The following RYR2 variants were observed in gnomAD, a reference collection of about 807,000 sequenced individuals.
RYR2 encodes ryanodine receptor 2.
Under a neutral mutation model 601.1 loss-of-function variants are expected in RYR2, and 227 were observed. The ratio of observed to expected loss-of-function variants is 0.38; its 90% CI spans 0.34 to 0.42. The LOEUF is 0.42. Among genes scored for constraint, RYR2 ranks in the 10% least tolerant of loss-of-function variants. The pLI, the probability that RYR2 is intolerant of heterozygous loss-of-function variation, is 1.00. For synonymous variants in RYR2, 2,223 were observed against 2,175.1 expected, an observed-to-expected ratio of 1.02 and a Z score of -0.61; for missense variants, 4,646 against 6,156.5, an observed-to-expected ratio of 0.75 and a Z score of 8.21.
chr1:237,349,256 A>G (rs1415525228), intron 3 of RYR2, among the ~76,000 whole-genome samples: 3 of 152,214 alleles, frequency 2.0e-5, no homozygotes, highest in Non-Finnish European at 4.4e-5. Flanking sequence ...ATACCTGATG[A>G]CACATTAGAA....
intron 58 of RYR2, 110 bp from the exon 59 acceptor site, chr1:237,673,986 T>G (rs1288535388): frequency 7.7e-6 from 6 of 777,370 alleles, no homozygotes; most frequent in African/African-American, 1.7e-5. Context: ...GCTCTATGTA[T>G]TATTAAAGGA....
chr1:237,718,754 C>T (rs1689467319), intron 73 of RYR2, among the ~76,000 whole-genome samples: 1 of 152,042 alleles, frequency 6.6e-6, no homozygotes, highest in East Asian at 1.9e-4. Context: ...TATATGTCAT[C>T]AGTTGAAATA....
At chr1:237,540,376 C>T (rs879532165) in intron 25 of RYR2, among the ~76,000 whole-genome samples, 3 of 152,090 alleles carry the variant, frequency 2.0e-5, no homozygotes, top group Non-Finnish European at 4.4e-5. Flanking sequence ...ATGAAATCAA[C>T]ACAAAACACA....
intron 1 of RYR2, among the ~76,000 whole-genome samples, chr1:237,103,043 T>C (rs1329722104): frequency 6.6e-6 from 1 of 152,086 alleles, no homozygotes; most frequent in African/African-American, 2.4e-5. Context: ...AAGAACAGTT[T>C]TATTTGAACC....
intron 14 of RYR2, among the ~76,000 whole-genome samples, chr1:237,448,258 T>C (rs1035504184): frequency 2.0e-5 from 3 of 152,170 alleles, no homozygotes; most frequent in Non-Finnish European, 4.4e-5. Context: ...TCCCCTTTGA[T>C]GACTTCTTTG....
intron 3 of RYR2, among the ~76,000 whole-genome samples, chr1:237,351,946 A>G (rs2149675400): frequency 6.6e-6 from 1 of 151,740 alleles, no homozygotes; most frequent in East Asian, 1.9e-4. Flanking sequence ...AAATATTGGG[A>G]AATCCATCCC....
chr1:237,297,742 G>A (rs1175567461), intron 2 of RYR2, among the ~76,000 whole-genome samples: 1 of 151,264 alleles, frequency 6.6e-6, no homozygotes, highest in Admixed American at 6.6e-5. Context: ...AAAGGCCATG[G>A]TTTGTGTTGA....
intron 1 of RYR2, among the ~76,000 whole-genome samples, chr1:237,063,454 C>T (rs919447138): frequency 6.6e-6 from 1 of 151,896 alleles, no homozygotes; most frequent in Non-Finnish European, 1.5e-5. Context: ...ATTATAATAT[C>T]GTTAATTTAT....
intron 1 of RYR2, 24 bp downstream of exon 1, chr1:237,042,593 C>A: frequency 8.0e-7 from 1 of 1,255,502 alleles, no homozygotes; most frequent in Non-Finnish European, 1.0e-6. Flanking sequence ...GTCGCGTGTG[C>A]TGTCAGGGGA....
chr1:237,135,470 C>T (rs372294007), intron 1 of RYR2, among the ~76,000 whole-genome samples: 35 of 151,604 alleles, frequency 2.3e-4, no homozygotes, highest in African/African-American at 6.0e-4. Flanking sequence ...CCCAGGTTCA[C>T]GCCATTCTCC....
At chr1:237,124,385 T>G (rs1019627798) in intron 1 of RYR2, among the ~76,000 whole-genome samples, 3 of 152,214 alleles carry the variant, frequency 2.0e-5, no homozygotes, top group African/African-American at 7.2e-5. Flanking sequence ...GTGTTAGTTT[T>G]TTATTGTTGC....
At chr1:237,647,906 A>T (rs149900973) in intron 48 of RYR2, among the ~76,000 whole-genome samples, 1 of 152,340 alleles carries the variant, frequency 6.6e-6, no homozygotes, top group East Asian at 1.9e-4. Context: ...AAGCAATATG[A>T]CCCTTAAATG....
intron 82 of RYR2, among the ~76,000 whole-genome samples, chr1:237,758,824 C>T (rs1453107081): frequency 2.0e-5 from 3 of 152,118 alleles, no homozygotes; most frequent in Admixed American, 6.5e-5. Flanking sequence ...AAATTTTAAC[C>T]ATGTCAGAAA....
chr1:237,534,336 G>T (rs1158125891), intron 25 of RYR2, among the ~76,000 whole-genome samples: 1 of 152,008 alleles, frequency 6.6e-6, no homozygotes, highest in African/African-American at 2.4e-5. Context: ...AATACTAGTA[G>T]ATTTTCAAAA....
chr1:237,093,329 G>A (rs921617150), intron 1 of RYR2, among the ~76,000 whole-genome samples: 2 of 151,936 alleles, frequency 1.3e-5, no homozygotes, highest in Admixed American at 6.5e-5. Flanking sequence ...GGCTAGGGGA[G>A]GAGCTGAGAA....
At position 237,707,178 on chromosome 1, in the gene RYR2, A is replaced by G; in HGVS notation, c.9810A>G (p.Ser3270=). The change falls in exon 68 of 105, where the codon TCA becomes TCG. Residue 3270 remains serine (S), a synonymous_variant. Coordinates refer to ENST00000366574, the MANE Select transcript of RYR2 (RefSeq NM_001035.3). ...RAEMCCTALN[S]EHMNTLLGNI... ...AGATGTGCTGCACAGCCCTGAACTCAGAGCACATGAACACACTTCTAGGGA... is the reference window on the plus strand; with the variant it reads ...AGATGTGCTGCACAGCCCTGAACTCGGAGCACATGAACACACTTCTAGGGA... 6.2e-7 allele frequency: 1 copy of G among 1,613,254 alleles called. No individual in the cohort carries two copies. The highest frequency in any genetic ancestry group is 8.5e-7 in the Non-Finnish European group (1 of 1,179,314).
intron 27 of RYR2, among the ~76,000 whole-genome samples, 174 bp from the exon 28 acceptor site, chr1:237,566,393 A>G (rs137950270): frequency 1.2e-4 from 18 of 152,290 alleles, no homozygotes; most frequent in African/African-American, 3.8e-4. Context: ...CTGATCCTAG[A>G]TCAGAAAGCA....
intron 1 of RYR2, among the ~76,000 whole-genome samples, chr1:237,223,522 C>T (rs1010329104): frequency 6.6e-6 from 1 of 152,044 alleles, no homozygotes; most frequent in Non-Finnish European, 1.5e-5. Flanking sequence ...AACTTTATTC[C>T]TGTAGTTGGT....
chr1:237,511,724 G>A lies in RYR2; in HGVS notation c.2755G>A (p.Val919Met), dbSNP rs201079716. ...DDNKRQHPCLVEFSKLPEQER... is the reference protein window; with the variant it reads ...DDNKRQHPCLMEFSKLPEQER... ...CAACAAGAGACAACACCCATGCCTG[G>A]TGGAGTTCTCCAAGCTGCCTGAACA... is the stretch of plus-strand genomic sequence containing the variant. Residue 919 changes from valine (V) to methionine (M), a missense_variant, in exon 24 of 105, where the codon GTG becomes ATG. By Grantham distance (21) the Val-to-Met change is conservative (BLOSUM62 1). Transcript: ENST00000366574. 175 of 1,574,062 alleles carry A rather than the reference G, an allele frequency of 1.1e-4. 1 individual carries two copies. Among genetic ancestry groups the A allele is most frequent in the Admixed American group, 4.0e-4 (22 of 54,836 alleles).
Sources: gnomAD v4.1 joint callset for allele counts (sites outside exome capture counted in the v4.1 genomes callset) on GRCh38, gnomAD v4.1.1 for gene constraint, MANE v1.5 for transcripts, NCBI Gene and HGNC (gene_info 2026-07-23, HGNC 2026-07-21) for gene names.